The following SENP5 variants were observed in gnomAD, a reference collection of about 807,000 sequenced individuals.
The protein encoded by SENP5 is sentrin-specific protease 5.
A neutral mutation model predicts 74.2 loss-of-function variants in SENP5; 21 were observed. The ratio of observed to expected loss-of-function variants is 0.28; its 90% CI spans 0.20 to 0.41. SENP5 has a LOEUF of 0.41. Ranked by LOEUF, SENP5 falls within the 10% of genes least tolerant of loss-of-function variation. The probability of loss-of-function intolerance (pLI) is 1.00; values close to 1 mark genes in which losing one functional copy is unlikely to be tolerated. For synonymous variants in SENP5, 311 were observed against 312.7 expected, an observed-to-expected ratio of 0.99 and a Z score of 0.06; for missense variants, 717 against 889.1, an observed-to-expected ratio of 0.81 and a Z score of 2.46.
chr3:196,896,326 A>G (rs1188595701), intron 2 of SENP5, among the ~76,000 whole-genome samples: 1 of 152,228 alleles, frequency 6.6e-6, no homozygotes, highest in African/African-American at 2.4e-5. Context: ...ATGACATGAT[A>G]GTTAACAGCC....
At chr3:196,886,926 T>C (rs1714002177) in intron 2 of SENP5, among the ~76,000 whole-genome samples, 1 of 152,212 alleles carries the variant, frequency 6.6e-6, no homozygotes. Context: ...GATGAAATTA[T>C]GTCTTTACAT....
chr3:196,868,389 C>T (rs1713029401), intron 1 of SENP5, among the ~76,000 whole-genome samples: 1 of 152,266 alleles, frequency 6.6e-6, no homozygotes, highest in Non-Finnish European at 1.5e-5. Flanking sequence ...GCCGCTGTCA[C>T]AGGCCTCCAG....
intron 1 of SENP5, among the ~76,000 whole-genome samples, chr3:196,872,751 T>G (rs1713271237): frequency 6.6e-6 from 1 of 152,194 alleles, no homozygotes; most frequent in Admixed American, 6.5e-5. Context: ...GCACTAGACA[T>G]GTTTCAAGTG....
At chr3:196,918,950 CAG>C (rs1471166419) in intron 6 of SENP5, among the ~76,000 whole-genome samples, 2 of 144,318 alleles carry the variant, frequency 1.4e-5, no homozygotes, top group Non-Finnish European at 3.0e-5. Flanking sequence ...ATAAAAAGGT[CAG>C]ACAATATAAA....
At chr3:196,909,744 A>T (rs1715045810) in intron 6 of SENP5, among the ~76,000 whole-genome samples, 1 of 152,232 alleles carries the variant, frequency 6.6e-6, no homozygotes, top group South Asian at 2.1e-4. Flanking sequence ...TAAACTAGGT[A>T]TTCATCAAAC....
intron 6 of SENP5, among the ~76,000 whole-genome samples, chr3:196,909,060 A>G (rs1186521620): frequency 6.6e-6 from 1 of 152,190 alleles, no homozygotes; most frequent in East Asian, 1.9e-4. Flanking sequence ...AGACACAATA[A>G]AAAATGATAA....
Position 196,933,178 on chromosome 3 carries a change from A to C in SENP5, c.*2255A>C, listed in dbSNP as rs771601882. The C allele has an allele frequency of 4.0e-5, 6 of 151,136 alleles. No homozygotes were observed. Among genetic ancestry groups the C allele is most frequent in the Non-Finnish European group, 5.9e-5 (4 of 67,768 alleles). The allele number at this position is 151,136 out of a possible 1,614,324, so 9.4% of individuals were successfully genotyped here. A position where few individuals can be genotyped will look rare whatever the true frequency, so the allele number is the denominator to read the frequency against. On this transcript the variant is annotated 3_prime_UTR_variant, in exon 10 of 10. Transcript: ENST00000323460. ...TTACAGGTGTGTGCCACCACGCCCCACCGATTTTTGTACTTTTAGTAGAGA... is the reference window on the plus strand; with the variant it reads ...TTACAGGTGTGTGCCACCACGCCCCCCCGATTTTTGTACTTTTAGTAGAGA...
rs1299052141 is a variant in SENP5, at chr3:196,901,611, A to G, written c.1806+1199A>G. Among the ~76,000 whole-genome samples the G allele has an allele frequency of 1.3e-5, 2 of 152,180 alleles. 1 individual carries two copies. Among genetic ancestry groups the G allele is most frequent in the Non-Finnish European group, 2.9e-5 (2 of 68,024 alleles). ...AATCTAATAAAGTAACATAAATACT[A>G]AAAAGTCAGATTCTGATACCGTTTA... On this transcript the variant is annotated intron_variant, in intron 5 of 9. Transcript: ENST00000323460.
intron 6 of SENP5, among the ~76,000 whole-genome samples, chr3:196,915,526 C>T (rs1322270879): frequency 2.6e-5 from 4 of 152,192 alleles, no homozygotes; most frequent in Non-Finnish European, 5.9e-5. Context: ...TTACCACCTA[C>T]TGAGTAAAGA....
chr3:196,881,669 A>T (rs1241299428), intron 1 of SENP5, among the ~76,000 whole-genome samples: 3 of 151,892 alleles, frequency 2.0e-5, no homozygotes, highest in Non-Finnish European at 2.9e-5. Context: ...GGCCTTTATG[A>T]TACATGTTGC....
chr3:196,906,078 G>C (rs1197487997), intron 6 of SENP5, among the ~76,000 whole-genome samples: 1 of 152,084 alleles, frequency 6.6e-6, no homozygotes, highest in Non-Finnish European at 1.5e-5. Flanking sequence ...AAATTAGCTG[G>C]GTATGGTGGC....
intron 6 of SENP5, among the ~76,000 whole-genome samples, chr3:196,920,853 C>T (rs9860985): frequency 0.2 from 29,666 of 152,126 alleles, 3,806 homozygotes; most frequent in South Asian, 0.37. Context: ...TCAATCTGAT[C>T]GTGACATAAC....
intron 6 of SENP5, among the ~76,000 whole-genome samples, chr3:196,905,861 A>G (rs1360306653): frequency 6.6e-6 from 1 of 152,096 alleles, no homozygotes; most frequent in Non-Finnish European, 1.5e-5. Context: ...CAATCCTCTA[A>G]TTCTGCCTTG....
At position 196,923,571 on chromosome 3, in the gene SENP5, A is replaced by AT. The variant is rs758765328; in HGVS notation, c.2022+26dup. 6.5e-7 allele frequency: 1 copy of AT among 1,540,398 alleles called. No individual in the cohort carries two copies. Among genetic ancestry groups the AT allele is most frequent in the Non-Finnish European group, 8.9e-7 (1 of 1,128,438 alleles). ...GTAGAGGTAAGTTAATATACTGCCT[A>AT]TTTTTTCATTTATTTTGTAATTGGC... On this transcript the variant is annotated intron_variant, in intron 7 of 9. Coordinates refer to ENST00000323460, the MANE Select transcript of SENP5 (RefSeq NM_152699.5).
chr3:196,884,487 A>G (rs1283592899), intron 1 of SENP5, among the ~76,000 whole-genome samples: 1 of 152,194 alleles, frequency 6.6e-6, no homozygotes, highest in Non-Finnish European at 1.5e-5. Flanking sequence ...CTGCAGGTAG[A>G]GTGGAAGAAA....
chr3:196,893,909 CAAA>C (rs35131152), intron 2 of SENP5, among the ~76,000 whole-genome samples: 2 of 119,884 alleles, frequency 1.7e-5, no homozygotes, highest in Non-Finnish European at 1.7e-5. Flanking sequence ...GACTCTGTCT[CAAA>C]AAAAAAAAAA....
intron 5 of SENP5, among the ~76,000 whole-genome samples, chr3:196,903,267 G>A (rs1232699042): frequency 6.6e-6 from 1 of 152,132 alleles, no homozygotes; most frequent in African/African-American, 2.4e-5. Context: ...AGCCTCCTGA[G>A]TAGCTGGGAT....
chr3:196,897,837 G>A (rs192582571), intron 2 of SENP5, among the ~76,000 whole-genome samples: 68 of 152,228 alleles, frequency 4.5e-4, no homozygotes, highest in Non-Finnish European at 7.1e-4. Flanking sequence ...TTCTGTGAGC[G>A]TCTAAGCCTT....
chr3:196,881,102 A>G (rs1324127433), intron 1 of SENP5, among the ~76,000 whole-genome samples: 1 of 151,778 alleles, frequency 6.6e-6, no homozygotes, highest in Non-Finnish European at 1.5e-5. Flanking sequence ...ACATGCCACC[A>G]CACTTGGCTA....
Sources: gnomAD v4.1 joint callset for allele counts (sites outside exome capture counted in the v4.1 genomes callset) on GRCh38, gnomAD v4.1.1 for gene constraint, MANE v1.5 for transcripts, NCBI Gene and HGNC (gene_info 2026-07-23, HGNC 2026-07-21) for gene names.